CROCC2: variants seen among roughly 807,000 people sequenced by gnomAD.
The protein encoded by CROCC2 is ciliary rootlet coiled-coil protein 2.
A neutral mutation model predicts 177.6 loss-of-function variants in CROCC2; 163 were observed. The ratio of observed to expected loss-of-function variants is 0.92; its 90% confidence interval spans 0.81 to 1.05. The LOEUF is 1.05. Ranked by LOEUF, CROCC2 falls within the 50% of genes least tolerant of loss-of-function variation. The pLI is 0.00. For missense variants in CROCC2, 1,929 were observed against 1,797.8 expected (o/e 1.07, Z -1.32); for synonymous variants, 904 against 787.3 (o/e 1.15, Z -2.48).
intron 5 of CROCC2, 109 bp downstream of exon 5, chr2:240,925,989 C>G: frequency 3.0e-5 from 18 of 603,352 alleles, no homozygotes; most frequent in Non-Finnish European, 3.9e-5. Flanking sequence ...GGCTGTCCCT[C>G]TTGGGGACGA....
intron 27 of CROCC2, among the ~76,000 whole-genome samples, chr2:240,970,613 G>T (rs369309226): frequency 1.3e-5 from 2 of 152,188 alleles, no homozygotes; most frequent in African/African-American, 4.8e-5. Context: ...CTTCCCAGCT[G>T]CACTGCTTCC....
At chr2:240,964,405 G>A in intron 21 of CROCC2, 61 bp from the exon 22 acceptor site, 1 of 1,541,434 alleles carries the variant, frequency 6.5e-7, no homozygotes, top group Non-Finnish European at 8.8e-7. Context: ...GAGACCTGCT[G>A]GGCAGCTGTG....
At chr2:240,933,617 G>A (rs2059448370) in intron 10 of CROCC2, 53 bp from the exon 11 acceptor site, 1 of 1,523,876 alleles carries the variant, frequency 6.6e-7, no homozygotes, top group Non-Finnish European at 8.9e-7. Flanking sequence ...AAGGCACGCG[G>A]TGCACCTTGA....
chr2:240,990,559 TATC>T (rs2059871156), intron 30 of CROCC2, among the ~76,000 whole-genome samples: 1 of 152,092 alleles, frequency 6.6e-6, no homozygotes, highest in African/African-American at 2.4e-5. Context: ...TTTATTTCCT[TATC>T]ATTCTGAGTG....
At position 240,958,024 on chromosome 2, in the gene CROCC2, C is replaced by T; in HGVS notation, c.2944-1277C>T. 1 of 985,404 alleles carries T rather than the reference C, an allele frequency of 1.0e-6. No homozygotes were observed. Among genetic ancestry groups the T allele is most frequent in the Non-Finnish European group, 1.2e-6 (1 of 829,918 alleles). 61.0% of individuals were successfully genotyped at this position (985,404 alleles called of 1,614,324 possible). ...CTCTTGAGCTGGCCCTGAGTCTCCC[C>T]CGGACTCGGTACCAGGCCTGCCAGC... On this transcript the variant is annotated intron_variant, in intron 19 of 31. Transcript: ENST00000690015. The surrounding 1 kb of genome is among the most constrained non-coding windows in gnomAD (Gnocchi z 6.7).
intron 4 of CROCC2, among the ~76,000 whole-genome samples, chr2:240,923,278 A>T (rs981129016): frequency 2.6e-5 from 4 of 151,392 alleles, no homozygotes; most frequent in African/African-American, 9.7e-5. Flanking sequence ...CCCCCCCGCC[A>T]CCGCTGTCAG....
rs969434210 is a variant in CROCC2 at position 240,953,793 on chromosome 2, G to C, written c.2830-2066G>C. 3.5e-5 allele frequency among the ~76,000 whole-genome samples: 4 copies of C among 113,862 alleles called. No homozygotes were observed. Among genetic ancestry groups the C allele is most frequent in the African/African-American group, 1.2e-4 (4 of 33,282 alleles). The allele number at this position is 113,862 out of a possible 152,430, so 74.7% of individuals were successfully genotyped here. ...TATGTGGAGCAAGAGCCAAAGACCT[G>C]GAGCCGCTGGCCCAGGAGGGGCTGT... On this transcript the variant is annotated intron_variant, in intron 18 of 31. Transcript: ENST00000690015. This position sits in a 1 kb window ranked among gnomAD's most constrained non-coding sequence, Gnocchi z 4.0.
intron 14 of CROCC2, among the ~76,000 whole-genome samples, chr2:240,943,841 C>T (rs1385649012): frequency 2.0e-5 from 3 of 152,138 alleles, no homozygotes; most frequent in Non-Finnish European, 4.4e-5. Flanking sequence ...TTGGCAGATA[C>T]CTCAAAGGGG....
At chr2:240,957,154 C>A (rs916935013) in intron 19 of CROCC2, among the ~76,000 whole-genome samples, 1 of 152,072 alleles carries the variant, frequency 6.6e-6, no homozygotes, top group Non-Finnish European at 1.5e-5. Context: ...GGATTGAGGG[C>A]GAGGCTGATC....
In CROCC2 at chr2:240,988,782, T is replaced by TG; in HGVS notation, c.4600dup (p.Ala1534GlyfsTer2). 1 of 1,511,968 alleles carries TG rather than the reference T, an allele frequency of 6.6e-7. No individual in the cohort carries two copies. The highest frequency in any genetic ancestry group is 8.9e-7 in the Non-Finnish European group (1 of 1,124,000). The allele number at this position is 1,511,968 out of a possible 1,614,324, so 93.7% of individuals were successfully genotyped here. On this transcript the variant is annotated frameshift_variant, in exon 29 of 32. Coordinates refer to ENST00000690015, the MANE Select transcript of CROCC2 (RefSeq NM_001351305.2). LOFTEE classifies it high-confidence loss of function. ...AAGAGGGAGGAGGATGTGGCGAGGC[T>TG]GGGGGCTGAGAAGGAGCAGCTGGAC... is the stretch of plus-strand genomic sequence containing the variant.
chr2:240,927,859 C>G (rs1180066570), intron 5 of CROCC2, among the ~76,000 whole-genome samples: 1 of 152,250 alleles, frequency 6.6e-6, no homozygotes. Context: ...CAATGTTGAC[C>G]AGGCTGGTCT....
chr2:240,919,447 T>A (rs1027796780), intron 2 of CROCC2, among the ~76,000 whole-genome samples: 2 of 152,096 alleles, frequency 1.3e-5, no homozygotes, highest in Non-Finnish European at 2.9e-5. Flanking sequence ...TGCCTCCAAT[T>A]ATCCACCTGG....
Position 240,963,747 on chromosome 2 carries a change from C to T in CROCC2, c.3279C>T (p.Ile1093=). Residue 1093 remains isoleucine, a synonymous_variant, in exon 21 of 32, where the codon ATC becomes ATT. Transcript: ENST00000690015. ...LLFNSELRAT[I]CRAEQEKASF... ...TCAACAGCGAGCTGCGGGCCACCAT[C>T]TGCAGGGCCGAACAGGAGAAGGCCA... 5 of 1,549,992 alleles carry T rather than the reference C, an allele frequency of 3.2e-6. No homozygotes were observed. The highest frequency in any genetic ancestry group is 4.4e-6 in the Non-Finnish European group (5 of 1,146,658).
intron 14 of CROCC2, among the ~76,000 whole-genome samples, chr2:240,939,125 G>A (rs2059483928): frequency 1.3e-5 from 2 of 152,114 alleles, no homozygotes; most frequent in South Asian, 2.1e-4. Context: ...TAAATATGAT[G>A]TTATCTGTAG....
At chr2:240,925,490 G>A (rs2059390369) in intron 4 of CROCC2, among the ~76,000 whole-genome samples, 1 of 152,176 alleles carries the variant, frequency 6.6e-6, no homozygotes, top group African/African-American at 2.4e-5. Flanking sequence ...CAGGGAGGCA[G>A]GAGGGCACTG....
chr2:240,918,621 G>C lies in CROCC2; in HGVS notation c.79-105G>C, dbSNP rs1178871846. ...CCTGTCCTCTCCAGGGCACTCTGCT[G>C]CCTTGGGGTGGCCCTGTGGCGGCTC... On this transcript the variant is annotated intron_variant, in intron 1 of 31. Transcript: ENST00000690015. This position sits in a 1 kb window ranked among gnomAD's most constrained non-coding sequence, Gnocchi z 6.3. The C allele has an allele frequency of 2.0e-5, 10 of 492,436 alleles. No homozygotes were observed. Among genetic ancestry groups the C allele is most frequent in the Non-Finnish European group, 2.9e-5 (8 of 278,954 alleles). 30.5% of individuals were successfully genotyped at this position (492,436 alleles called of 1,614,324 possible). A position where few individuals can be genotyped will look rare whatever the true frequency, so the allele number is the denominator to read the frequency against.
chr2:240,969,537 G>A (rs2059707522), intron 27 of CROCC2, among the ~76,000 whole-genome samples: 1 of 152,236 alleles, frequency 6.6e-6, no homozygotes, highest in African/African-American at 2.4e-5. Flanking sequence ...GAAAGACCCA[G>A]GCGGCCTGGC....
Position 240,935,337 on chromosome 2 carries a change from GC to G in CROCC2, c.1939-16del, listed in dbSNP as rs1335073088. On this transcript the variant is annotated intron_variant, in intron 13 of 31. Transcript: ENST00000690015. ...CGAGGATGGGGGGAGTGGATGCAGAGCCCCCGACACCTGGTGGCAGCTGGAG... is the reference window on the plus strand; with the variant it reads ...CGAGGATGGGGGGAGTGGATGCAGAGCCCCGACACCTGGTGGCAGCTGGAG... 2 of 1,352,900 alleles carry G rather than the reference GC, an allele frequency of 1.5e-6. No homozygotes were observed. The highest frequency in any genetic ancestry group is 3.4e-5 in the Admixed American group (1 of 29,720). 83.8% of individuals were successfully genotyped at this position (1,352,900 alleles called of 1,614,324 possible).
intron 3 of CROCC2, among the ~76,000 whole-genome samples, chr2:240,922,064 G>A (rs759904086): frequency 1.3e-5 from 2 of 152,182 alleles, no homozygotes; most frequent in Non-Finnish European, 2.9e-5. Flanking sequence ...AGCCCCAGAG[G>A]TAGCCCTGTG....
Sources: gnomAD v4.1 joint callset for allele counts (sites outside exome capture counted in the v4.1 genomes callset) on GRCh38, gnomAD v4.1.1 for gene constraint, Gnocchi (gnomAD v3.1) non-coding constraint, MANE v1.5 for transcripts, NCBI Gene and HGNC (gene_info 2026-07-23, HGNC 2026-07-21) for gene names.